PTPRN2: variants seen among roughly 807,000 people sequenced by gnomAD.
PTPRN2 encodes receptor-type tyrosine-protein phosphatase N2.
Under a neutral mutation model 118.8 loss-of-function variants are expected in PTPRN2, and 74 were observed. The observed-to-expected ratio is 0.62, with a 90% CI of 0.52 to 0.76. The LOEUF is 0.76. Ranked by LOEUF, PTPRN2 falls within the 30% of genes least tolerant of loss-of-function variation. The pLI is 0.00. For synonymous variants in PTPRN2, 641 were observed against 608.0 expected (o/e 1.05, Z -0.80); for missense variants, 1,481 against 1,394.4 (o/e 1.06, Z -0.99).
At position 157,763,486 on chromosome 7, in the gene PTPRN2, C is replaced by G. The variant is rs1333540498; in HGVS notation, c.1789-80549G>C. Among the ~76,000 whole-genome samples the G allele has an allele frequency of 1.3e-5, 2 of 152,094 alleles. No individual in the cohort carries two copies. The highest frequency in any genetic ancestry group is 1.9e-4 in the East Asian group (1 of 5,150). ...CGAGTCCCTTCTCCTAGCCCCAAAC[C>G]CCACGGCACAGTTGGGGATCCTCTC... On this transcript the variant is annotated intron_variant, in intron 12 of 22. Coordinates refer to ENST00000389418, the MANE Select transcript of PTPRN2 (RefSeq NM_002847.5). The surrounding 1 kb of genome is among the most constrained non-coding windows in gnomAD (Gnocchi z 4.9).
At chr7:158,354,027 A>G (rs10257630) in intron 2 of PTPRN2, among the ~76,000 whole-genome samples, 145,932 of 152,304 alleles carry the variant, frequency 0.96, 69,963 homozygotes, top group African/African-American at 0.97. Context: ...ACGCTGCAGG[A>G]CCTGTGCTCC....
At chr7:157,564,568 A>T (rs1799388401) in intron 21 of PTPRN2, among the ~76,000 whole-genome samples, 1 of 152,208 alleles carries the variant, frequency 6.6e-6, no homozygotes, top group African/African-American at 2.4e-5. Flanking sequence ...TATATAAAGA[A>T]CTCTTAGAAT....
chr7:158,283,326 C>A (rs1265513579), intron 3 of PTPRN2, among the ~76,000 whole-genome samples: 2 of 152,188 alleles, frequency 1.3e-5, no homozygotes, highest in African/African-American at 4.8e-5. Flanking sequence ...GGAGAGGGAG[C>A]AGTGACCGAG....
chr7:157,558,269 G>T (rs966789896), intron 21 of PTPRN2, among the ~76,000 whole-genome samples: 2 of 152,066 alleles, frequency 1.3e-5, no homozygotes, highest in East Asian at 3.9e-4. Context: ...CAAACGCAGC[G>T]TCTGTGCTGA....
intron 1 of PTPRN2, among the ~76,000 whole-genome samples, chr7:158,562,937 C>T (rs746589798): frequency 3.3e-5 from 5 of 152,224 alleles, no homozygotes; most frequent in Admixed American, 6.5e-5. Context: ...TGTCCCCATC[C>T]GTTCCAGCAT....
chr7:157,592,565 T>C (rs1319954428), intron 17 of PTPRN2, among the ~76,000 whole-genome samples: 1 of 145,140 alleles, frequency 6.9e-6, no homozygotes, highest in East Asian at 2.1e-4. Flanking sequence ...GGACGGAGGG[T>C]GGATGTGGCA....
At chr7:158,277,316 C>A (rs1213607003) in intron 3 of PTPRN2, among the ~76,000 whole-genome samples, 2 of 152,204 alleles carry the variant, frequency 1.3e-5, no homozygotes, top group East Asian at 3.9e-4. Flanking sequence ...CACACCTCAG[C>A]CACAACGGGC....
chr7:158,262,352 C>G (rs542804496), intron 3 of PTPRN2, among the ~76,000 whole-genome samples: 1 of 137,956 alleles, frequency 7.2e-6, no homozygotes, highest in Non-Finnish European at 1.5e-5. Context: ...TATTCACACA[C>G]ACTGCAAACA....
intron 12 of PTPRN2, among the ~76,000 whole-genome samples, chr7:157,819,408 G>A (rs1359562002): frequency 1.3e-5 from 2 of 152,190 alleles, no homozygotes; most frequent in South Asian, 2.1e-4. Context: ...GGAAGCCTCA[G>A]CTCAGAACGC....
intron 11 of PTPRN2, among the ~76,000 whole-genome samples, chr7:157,992,460 G>T (rs1257755614): frequency 6.6e-6 from 1 of 152,232 alleles, no homozygotes; most frequent in Non-Finnish European, 1.5e-5. Flanking sequence ...TACTGAGTGG[G>T]TCTCTCAGCA....
At chr7:158,332,419 A>T (rs1804670712) in intron 2 of PTPRN2, among the ~76,000 whole-genome samples, 1 of 150,076 alleles carries the variant, frequency 6.7e-6, no homozygotes, top group African/African-American at 2.5e-5. Context: ...TCAACATAAG[A>T]GCTGACACCT....
intron 4 of PTPRN2, among the ~76,000 whole-genome samples, chr7:158,196,574 T>TCC (rs35689980): frequency 2.6e-5 from 4 of 151,892 alleles, no homozygotes; most frequent in African/African-American, 9.7e-5. Context: ...TCTCTTCACT[T>TCC]CCCCATGAGG....
chr7:158,270,824 CCACCTGGATGA>C (rs1798339804), intron 3 of PTPRN2, among the ~76,000 whole-genome samples: 1 of 7,962 alleles, frequency 1.3e-4, no homozygotes, highest in Non-Finnish European at 2.5e-4. Flanking sequence ...ACCGCCCCCT[CCACCTGGATGA>C]CCCCCTCACC....
At chr7:158,501,566 G>A (rs1026215805) in intron 1 of PTPRN2, among the ~76,000 whole-genome samples, 2 of 152,162 alleles carry the variant, frequency 1.3e-5, no homozygotes, top group Non-Finnish European at 2.9e-5. Context: ...GCAGATCCAA[G>A]AAGACAGCTC....
chr7:158,530,760 A>G (rs2129448713), intron 1 of PTPRN2, among the ~76,000 whole-genome samples: 1 of 152,288 alleles, frequency 6.6e-6, no homozygotes, highest in East Asian at 1.9e-4. Flanking sequence ...GAAAAGAAAC[A>G]TGCACACTCC....
intron 3 of PTPRN2, among the ~76,000 whole-genome samples, chr7:158,225,219 C>A (rs1013145801): frequency 3.3e-5 from 5 of 151,702 alleles, no homozygotes; most frequent in Non-Finnish European, 5.9e-5. Context: ...AAAAATTGAA[C>A]CCCTGACCAT....
At chr7:157,880,443 G>A (rs998423714) in intron 12 of PTPRN2, among the ~76,000 whole-genome samples, 12 of 152,230 alleles carry the variant, frequency 7.9e-5, no homozygotes, top group African/African-American at 1.9e-4. Context: ...TAGGGTCCCC[G>A]TGCTAGAGGG....
chr7:158,139,363 C>T (rs11980808), intron 6 of PTPRN2, among the ~76,000 whole-genome samples: 63,745 of 151,920 alleles, frequency 0.42, 13,911 homozygotes, highest in East Asian at 0.57. Flanking sequence ...GTGGACATAA[C>T]GGAAGAAACG....
chr7:158,478,660 GA>G (rs1820437734), intron 2 of PTPRN2, among the ~76,000 whole-genome samples: 1 of 152,284 alleles, frequency 6.6e-6, no homozygotes, highest in African/African-American at 2.4e-5. Context: ...GATTCTGTGG[GA>G]AAGAGGGAGC....
Sources: gnomAD v4.1 joint callset for allele counts (sites outside exome capture counted in the v4.1 genomes callset) on GRCh38, gnomAD v4.1.1 for gene constraint, Gnocchi (gnomAD v3.1) non-coding constraint, MANE v1.5 for transcripts, NCBI Gene and HGNC (gene_info 2026-07-23, HGNC 2026-07-21) for gene names.